Variants in HS6ST3 observed in about 807,000 individuals in gnomAD.
The protein encoded by HS6ST3 is heparan-sulfate 6-O-sulfotransferase 3.
In HS6ST3, 12 loss-of-function variants were observed where a neutral mutation model predicts 36.7. That is an observed-to-expected ratio of 0.33 (90% CI 0.21 to 0.53). The LOEUF (loss-of-function observed/expected upper bound fraction) is 0.53. HS6ST3 is among the 20% of genes least tolerant of loss of function. The pLI, the probability that HS6ST3 is intolerant of heterozygous loss-of-function variation, is 0.95. For missense variants in HS6ST3, 584 were observed against 640.9 expected (o/e 0.91, Z 0.96); for synonymous variants, 240 against 257.5 (o/e 0.93, Z 0.65).
intron 1 of HS6ST3, among the ~76,000 whole-genome samples, chr13:96,257,773 A>G (rs568171403): frequency 1.3e-5 from 2 of 152,360 alleles, no homozygotes; most frequent in East Asian, 1.9e-4. Context: ...AAAGGAAAGA[A>G]TAAAATAAAA....
At chr13:96,109,539 C>T (rs2053858279) in intron 1 of HS6ST3, among the ~76,000 whole-genome samples, 1 of 152,190 alleles carries the variant, frequency 6.6e-6, no homozygotes, top group Non-Finnish European at 1.5e-5. Flanking sequence ...TTGTCTAAAG[C>T]TTGATTCTCT....
intron 1 of HS6ST3, among the ~76,000 whole-genome samples, chr13:96,647,736 C>T (rs560531772): frequency 1.3e-4 from 20 of 152,014 alleles, no homozygotes; most frequent in Middle Eastern, 3.4e-3. Flanking sequence ...TACCCATTCT[C>T]TGAAATGCTA....
At chr13:96,320,228 A>T (rs2054996566) in intron 1 of HS6ST3, among the ~76,000 whole-genome samples, 1 of 152,062 alleles carries the variant, frequency 6.6e-6, no homozygotes, top group South Asian at 2.1e-4. Context: ...ACACTGTTTT[A>T]TTGGCAAGAT....
At chr13:96,653,471 G>A (rs575680146) in intron 1 of HS6ST3, among the ~76,000 whole-genome samples, 17 of 152,142 alleles carry the variant, frequency 1.1e-4, no homozygotes, top group African/African-American at 4.1e-4. Context: ...TTGGTTTTCT[G>A]TTCTTGTGTT....
chr13:96,534,441 A>G (rs150481037), intron 1 of HS6ST3, among the ~76,000 whole-genome samples: 7 of 152,346 alleles, frequency 4.6e-5, no homozygotes, highest in Non-Finnish European at 7.3e-5. Context: ...TAAATGGTGT[A>G]TTTAATCCCA....
chr13:96,165,639 A>C (rs531762356), intron 1 of HS6ST3, among the ~76,000 whole-genome samples: 2 of 152,272 alleles, frequency 1.3e-5, no homozygotes, highest in East Asian at 3.9e-4. Flanking sequence ...TTGTGAACCT[A>C]GGTGGGTGGG....
intron 1 of HS6ST3, among the ~76,000 whole-genome samples, chr13:96,736,381 A>T (rs1194984348): frequency 6.6e-6 from 1 of 152,222 alleles, no homozygotes; most frequent in Non-Finnish European, 1.5e-5. Context: ...GCAAATTTAG[A>T]CAAAGAATGG....
chr13:96,665,210 G>A (rs1368657127), intron 1 of HS6ST3, among the ~76,000 whole-genome samples: 1 of 151,858 alleles, frequency 6.6e-6, no homozygotes, highest in East Asian at 1.9e-4. Context: ...CCAAAAAGAA[G>A]CATTTGCCAA....
intron 1 of HS6ST3, among the ~76,000 whole-genome samples, chr13:96,795,960 T>G (rs1394091397): frequency 2.0e-5 from 3 of 152,124 alleles, no homozygotes; most frequent in Non-Finnish European, 4.4e-5. Context: ...ATATATCTGT[T>G]GACAGGAAAC....
intron 1 of HS6ST3, among the ~76,000 whole-genome samples, chr13:96,506,283 T>C (rs1248595145): frequency 6.6e-6 from 1 of 152,140 alleles, no homozygotes; most frequent in African/African-American, 2.4e-5. Context: ...CAAAATACTC[T>C]TAGTAGGTAA....
chr13:96,695,085 A>T (rs915460), intron 1 of HS6ST3, among the ~76,000 whole-genome samples: 2,401 of 152,238 alleles, frequency 0.016, 58 homozygotes, highest in African/African-American at 0.053. Context: ...GTAGTTTTTT[A>T]AAAAAATTAT....
chr13:96,602,453 C>T (rs2056425033), intron 1 of HS6ST3, among the ~76,000 whole-genome samples: 1 of 152,176 alleles, frequency 6.6e-6, no homozygotes, highest in Admixed American at 6.5e-5. Context: ...CAGCACAGTT[C>T]TGTGACACAC....
At chr13:96,612,246 G>C (rs977477569) in intron 1 of HS6ST3, among the ~76,000 whole-genome samples, 1 of 152,056 alleles carries the variant, frequency 6.6e-6, no homozygotes, top group African/African-American at 2.4e-5. Flanking sequence ...AGTAGCAGTT[G>C]ACTCTCTTGG....
chr13:96,802,422 C>A (rs981597784), intron 1 of HS6ST3, among the ~76,000 whole-genome samples: 3 of 152,126 alleles, frequency 2.0e-5, no homozygotes, highest in African/African-American at 7.2e-5. Context: ...TCTCTTTTAA[C>A]AAAAACTCAC....
chr13:96,745,856 TTCTA>T (rs1876548789), intron 1 of HS6ST3, among the ~76,000 whole-genome samples: 1 of 152,070 alleles, frequency 6.6e-6, no homozygotes, highest in Non-Finnish European at 1.5e-5. Flanking sequence ...TTGAACCCGC[TTCTA>T]TCTTCTTGAC....
chr13:96,599,891 A>G (rs1448985194), intron 1 of HS6ST3, among the ~76,000 whole-genome samples: 1 of 152,164 alleles, frequency 6.6e-6, no homozygotes, highest in Non-Finnish European at 1.5e-5. Context: ...TTGTTGACCC[A>G]GAGAGCATTC....
intron 1 of HS6ST3, among the ~76,000 whole-genome samples, chr13:96,108,064 G>A (rs2053850226): frequency 6.6e-6 from 1 of 152,160 alleles, no homozygotes; most frequent in Non-Finnish European, 1.5e-5. Context: ...CTGGGAGCCG[G>A]GCAGGACAGA....
intron 1 of HS6ST3, among the ~76,000 whole-genome samples, chr13:96,262,742 TAA>T (rs1473499628): frequency 6.6e-6 from 1 of 152,098 alleles, no homozygotes; most frequent in Non-Finnish European, 1.5e-5. Context: ...GGATGTCTCT[TAA>T]AAGAACAAGA....
At chr13:96,235,578 G>A (rs2054530747) in intron 1 of HS6ST3, among the ~76,000 whole-genome samples, 1 of 152,014 alleles carries the variant, frequency 6.6e-6, no homozygotes, top group Non-Finnish European at 1.5e-5. Flanking sequence ...TAAATAAAAA[G>A]GGCGTAGCAT....
Sources: gnomAD v4.1 joint callset for allele counts (sites outside exome capture counted in the v4.1 genomes callset) on GRCh38, gnomAD v4.1.1 for gene constraint, MANE v1.5 for transcripts, NCBI Gene and HGNC (gene_info 2026-07-23, HGNC 2026-07-21) for gene names.